The following STK3 variants were observed in gnomAD, a reference collection of about 807,000 sequenced individuals.
STK3 encodes the protein serine/threonine-protein kinase 3.
In STK3, 41 loss-of-function variants were observed where a neutral mutation model predicts 58.0. The observed-to-expected ratio is 0.71, with a 90% CI of 0.55 to 0.92. The LOEUF (loss-of-function observed/expected upper bound fraction) is 0.92. Among genes scored for constraint, STK3 ranks in the 40% least tolerant of loss-of-function variants. STK3 has a pLI of 0.00. For missense variants in STK3, 479 were observed against 602.7 expected, an observed-to-expected ratio of 0.79 and a Z score of 2.15; for synonymous variants, 170 against 191.0, an observed-to-expected ratio of 0.89 and a Z score of 0.91.
rs149964317 is a variant in STK3, at chr8:98,771,156, C to T, written c.107+3583G>A. Reference sequence around the variant, plus strand: ...CTGCTTTCTGTCTCTACAGATTTATCTATTCTAGATACTTCATATAAATGA... The same window carrying T: ...CTGCTTTCTGTCTCTACAGATTTATTTATTCTAGATACTTCATATAAATGA... On this transcript the variant is annotated intron_variant, in intron 2 of 10. Coordinates refer to ENST00000419617, the MANE Select transcript of STK3 (RefSeq NM_006281.4). 4.6e-4 allele frequency among the ~76,000 whole-genome samples: 70 copies of T among 152,332 alleles called. No homozygotes were observed. In the East Asian group the frequency reaches 0.013, roughly 29 times the overall value.
chr8:98,490,787 T>G (rs1647433765), intron 10 of STK3, among the ~76,000 whole-genome samples: 1 of 152,140 alleles, frequency 6.6e-6, no homozygotes, highest in Non-Finnish European at 1.5e-5. Context: ...GGGGTGCGAA[T>G]CTAGACGTGT....
chr8:98,562,356 C>CA (rs1291596839), intron 8 of STK3, among the ~76,000 whole-genome samples: 6 of 149,424 alleles, frequency 4.0e-5, no homozygotes, highest in East Asian at 4.0e-4. Context: ...TATTAAGCCA[C>CA]AAAAAAAACC....
chr8:98,366,475 A>G (rs187435298), downstream of STK3, among the ~76,000 whole-genome samples: 4 of 152,320 alleles, frequency 2.6e-5, no homozygotes, highest in African/African-American at 9.6e-5. Context: ...CCATAAAAAC[A>G]TTCTCTTGAG....
At chr8:98,414,797 A>G (rs1316136580) in intron 3 of STK3, among the ~76,000 whole-genome samples, 3 of 152,196 alleles carry the variant, frequency 2.0e-5, no homozygotes, top group Non-Finnish European at 4.4e-5. Context: ...AACATCCTGT[A>G]TCCATCTCTA....
At chr8:98,653,181 C>T (rs1821116303) in intron 6 of STK3, among the ~76,000 whole-genome samples, 1 of 152,194 alleles carries the variant, frequency 6.6e-6, no homozygotes, top group African/African-American at 2.4e-5. Context: ...AAGACACTCA[C>T]TCAAAACCGC....
chr8:98,842,084 T>C (rs1005559678), intron 3 of STK3, among the ~76,000 whole-genome samples: 3 of 152,006 alleles, frequency 2.0e-5, no homozygotes, highest in African/African-American at 7.2e-5. Flanking sequence ...AAAAGAAAAC[T>C]ATATAAAACC....
rs1425475613 is a variant in STK3 at position 98,423,194 on chromosome 8, C to T, written n.483+10933G>A. Among the ~76,000 whole-genome samples the T allele has an allele frequency of 1.3e-5, 2 of 152,246 alleles. 1 individual carries two copies. The highest frequency in any genetic ancestry group is 4.1e-4 in the South Asian group (2 of 4,830). On this transcript the variant is annotated intron_variant and non_coding_transcript_variant, in intron 3 of 3. Transcript: ENST00000517832. ...GGGCCTCATTCATTCGTCATCCAAT[C>T]CTGTATTCAATAACTATTTAATATA...
At chr8:98,632,581 T>G (rs1180420684) in intron 6 of STK3, among the ~76,000 whole-genome samples, 1 of 152,160 alleles carries the variant, frequency 6.6e-6, no homozygotes, top group Admixed American at 6.5e-5. Context: ...TTTTAACAGA[T>G]TCTATTGGAC....
chr8:98,560,505 T>G lies in STK3; in HGVS notation c.949-12344A>C, dbSNP rs150963913. ...CTAACATATTAAAACATGTACAGGATCTGTATACACTGATGCAAAAAATAA... is the reference window on the plus strand; with the variant it reads ...CTAACATATTAAAACATGTACAGGAGCTGTATACACTGATGCAAAAAATAA... On this transcript the variant is annotated intron_variant, in intron 8 of 10. Transcript: ENST00000419617. Among the ~76,000 whole-genome samples the G allele has an allele frequency of 9.1e-4, 138 of 152,058 alleles. No individual in the cohort carries two copies. The Middle Eastern group carries it at 0.01, about 11-fold the overall frequency.
At chr8:98,836,700 A>G (rs960652129) in intron 3 of STK3, among the ~76,000 whole-genome samples, 1 of 152,202 alleles carries the variant, frequency 6.6e-6, no homozygotes, top group African/African-American at 2.4e-5. Flanking sequence ...GTAATAGCAA[A>G]GAATCCCAGG....
chr8:98,844,697 C>A (rs540673540), intron 3 of STK3, among the ~76,000 whole-genome samples: 1 of 152,226 alleles, frequency 6.6e-6, no homozygotes, highest in African/African-American at 2.4e-5. Flanking sequence ...AACTCCTGAG[C>A]TCAAGGTATC....
chr8:98,575,807 C>G (rs930279425), intron 8 of STK3, among the ~76,000 whole-genome samples: 2 of 152,024 alleles, frequency 1.3e-5, no homozygotes, highest in Non-Finnish European at 2.9e-5. Context: ...TTATCAGAAG[C>G]ATAATTTGTA....
intron 6 of STK3, among the ~76,000 whole-genome samples, chr8:98,637,287 C>T (rs777348799): frequency 5.3e-5 from 8 of 152,018 alleles, no homozygotes; most frequent in Non-Finnish European, 8.8e-5. Flanking sequence ...AAGACCAAAA[C>T]TATGCAATAT....
chr8:98,460,024 C>G (rs1298103926), intron 10 of STK3, among the ~76,000 whole-genome samples: 1 of 152,160 alleles, frequency 6.6e-6, no homozygotes, highest in Non-Finnish European at 1.5e-5. Flanking sequence ...CCACTCTCCT[C>G]CAGAACACAG....
At chr8:98,670,836 A>C (rs1470900282) in intron 6 of STK3, among the ~76,000 whole-genome samples, 1 of 152,140 alleles carries the variant, frequency 6.6e-6, no homozygotes, top group East Asian at 1.9e-4. Flanking sequence ...TCACTCAATA[A>C]AATTCTCTGT....
intron 1 of STK3, among the ~76,000 whole-genome samples, chr8:98,790,649 A>C (rs1034364639): frequency 6.6e-6 from 1 of 152,204 alleles, no homozygotes; most frequent in Non-Finnish European, 1.5e-5. Context: ...TCAACATAGT[A>C]CTGGAAGTCC....
At chr8:98,436,724 C>T (rs1234181371) in intron 2 of STK3, 6 of 152,208 alleles carry the variant, frequency 3.9e-5, no homozygotes, top group African/African-American at 1.2e-4. Context: ...GATTTCTGGG[C>T]ATCACCCATC....
chr8:98,467,022 A>G (rs1226578728), intron 10 of STK3, among the ~76,000 whole-genome samples: 1 of 152,138 alleles, frequency 6.6e-6, no homozygotes, highest in Non-Finnish European at 1.5e-5. Context: ...AGAAGCAGAT[A>G]TCAGTGTCTA....
Position 98,375,348 on chromosome 8 carries a change from G to A in STK3, n.112-3670C>T, listed in dbSNP as rs1364105142. 2.0e-5 allele frequency among the ~76,000 whole-genome samples: 3 copies of A among 152,014 alleles called. No individual in the cohort carries two copies. The East Asian group carries it at 5.8e-4, about 29-fold the overall frequency. ...AGAAAAAGAAATGGAAGGCATACAG[G>A]TTGGAAAGGAATAGATAAAACTCTC... On this transcript the variant is annotated intron_variant and non_coding_transcript_variant, in intron 2 of 2. Coordinates refer to the STK3 transcript ENST00000518704.
Sources: gnomAD v4.1 joint callset for allele counts (sites outside exome capture counted in the v4.1 genomes callset) on GRCh38, gnomAD v4.1.1 for gene constraint, MANE v1.5 for transcripts, NCBI Gene and HGNC (gene_info 2026-07-23, HGNC 2026-07-21) for gene names.